The following SDK1 variants were observed in gnomAD, a reference collection of about 807,000 sequenced individuals.
SDK1 encodes the protein protein sidekick-1.
Under a neutral mutation model 245.5 loss-of-function variants are expected in SDK1, and 157 were observed. The ratio of observed to expected loss-of-function variants is 0.64; its 90% CI spans 0.56 to 0.73. The LOEUF (loss-of-function observed/expected upper bound fraction) is 0.73, where lower values mean the gene tolerates loss of function less well. SDK1 is among the 30% of genes least tolerant of loss of function. The pLI, the probability that SDK1 is intolerant of heterozygous loss-of-function variation, is 0.00. For missense variants in SDK1, 3,583 were observed against 3,002.3 expected, an observed-to-expected ratio of 1.19 and a Z score of -4.52; for synonymous variants, 1,647 against 1,278.5, an observed-to-expected ratio of 1.29 and a Z score of -6.15.
At chr7:3,651,924 C>T (rs947730718) in intron 4 of SDK1, among the ~76,000 whole-genome samples, 8 of 152,006 alleles carry the variant, frequency 5.3e-5, no homozygotes, top group Admixed American at 2.0e-4. Context: ...GATCCCAAGT[C>T]GGGGAGACAG....
At chr7:3,490,611 A>G (rs1489182115) in intron 1 of SDK1, among the ~76,000 whole-genome samples, 2 of 152,244 alleles carry the variant, frequency 1.3e-5, no homozygotes, top group Non-Finnish European at 2.9e-5. Flanking sequence ...TATCAAGGAT[A>G]GAATTCAGTA....
In SDK1 at chr7:4,118,938, A is replaced by G. The variant is rs536684942; in HGVS notation, c.3823+4664A>G. The stretch of plus-strand genomic sequence containing the variant: ...AGACTAAGAGAGAGCATTTGAGAGG[A>G]ATGGGAAGTGATGGGTGATGGAAAC... On this transcript the variant is annotated intron_variant, in intron 25 of 44. Transcript: ENST00000404826. Among the ~76,000 whole-genome samples the G allele has an allele frequency of 7.4e-5, 11 of 148,704 alleles. 1 individual carries two copies. The highest frequency in any genetic ancestry group is 4.0e-4 in the Admixed American group (6 of 14,946).
At chr7:4,068,346 G>C (rs1427148260) in intron 20 of SDK1, among the ~76,000 whole-genome samples, 1 of 152,210 alleles carries the variant, frequency 6.6e-6, no homozygotes, top group Non-Finnish European at 1.5e-5. Flanking sequence ...CCCCGAGAGG[G>C]TGGGTGACCT....
At chr7:3,656,796 G>A (rs1319514654) in intron 4 of SDK1, among the ~76,000 whole-genome samples, 2 of 150,606 alleles carry the variant, frequency 1.3e-5, no homozygotes, top group Admixed American at 1.3e-4. Context: ...GCCGGACTGC[G>A]GACTGCAGTG....
At chr7:4,029,527 CTCATTCATTCAT>C (rs58325112) in intron 17 of SDK1, among the ~76,000 whole-genome samples, 3 of 151,968 alleles carry the variant, frequency 2.0e-5, no homozygotes, top group East Asian at 3.9e-4. Context: ...CTTTCATTCA[CTCATTCATTCAT>C]TCATTCATTC....
chr7:4,167,840 T>C (rs1272695543), intron 32 of SDK1, among the ~76,000 whole-genome samples: 1 of 152,224 alleles, frequency 6.6e-6, no homozygotes, highest in Non-Finnish European at 1.5e-5. Flanking sequence ...TCTGCCTGTC[T>C]TGGGCACAGG....
intron 22 of SDK1, among the ~76,000 whole-genome samples, chr7:4,102,458 TCTC>T (rs1241246613): frequency 6.6e-6 from 1 of 152,146 alleles, no homozygotes; most frequent in Non-Finnish European, 1.5e-5. Flanking sequence ...AGCATCTTTT[TCTC>T]CTCCTCTTAG....
intron 1 of SDK1, among the ~76,000 whole-genome samples, chr7:3,568,412 T>C (rs1728937056): frequency 6.6e-6 from 1 of 152,166 alleles, no homozygotes; most frequent in Non-Finnish European, 1.5e-5. Flanking sequence ...TATATTGTGG[T>C]ATATGTATAT....
At chr7:4,207,037 G>T (rs1333588194) in intron 36 of SDK1, among the ~76,000 whole-genome samples, 3 of 152,210 alleles carry the variant, frequency 2.0e-5, no homozygotes, top group African/African-American at 7.2e-5. Context: ...ACTGATCTTG[G>T]ATATTGATCT....
chr7:4,261,786 C>CTGA (rs1788027407), intron 44 of SDK1, among the ~76,000 whole-genome samples: 1 of 152,022 alleles, frequency 6.6e-6, no homozygotes, highest in Non-Finnish European at 1.5e-5. Flanking sequence ...GTCTGCCTGA[C>CTGA]CCCTGTGAGA....
rs536341748 is a variant in SDK1, at chr7:4,266,612, T to C, written c.*1228T>C. Reference sequence around the variant, plus strand: ...AAATTGTCATTGTTTGGTTTAAATTTTTCAGCTAGATGAAAAGAGTATGAA... The same window carrying C: ...AAATTGTCATTGTTTGGTTTAAATTCTTCAGCTAGATGAAAAGAGTATGAA... On this transcript the variant is annotated 3_prime_UTR_variant, in exon 45 of 45. Coordinates refer to ENST00000404826, the MANE Select transcript of SDK1 (RefSeq NM_152744.4). The C allele has an allele frequency of 1.1e-4, 108 of 985,416 alleles. No individual in the cohort carries two copies. In the South Asian group the frequency reaches 3.3e-3, roughly 30 times the overall value. 61.0% of individuals were successfully genotyped at this position (985,416 alleles called of 1,614,324 possible).
At chr7:4,127,284 A>G (rs367868524) in intron 25 of SDK1, 97 bp from the exon 26 acceptor site, 28 of 893,358 alleles carry the variant, frequency 3.1e-5, no homozygotes, top group South Asian at 1.7e-4. Flanking sequence ...ATACGTTGCT[A>G]TTTCAAGGAC....
At chr7:4,217,595 C>A (rs1784906363) in intron 38 of SDK1, among the ~76,000 whole-genome samples, 1 of 151,294 alleles carries the variant, frequency 6.6e-6, no homozygotes, top group Non-Finnish European at 1.5e-5. Context: ...ACCCGGAGCA[C>A]CAGGCCACCC....
intron 1 of SDK1, among the ~76,000 whole-genome samples, chr7:3,373,798 T>C (rs1781287463): frequency 6.6e-6 from 1 of 152,172 alleles, no homozygotes; most frequent in African/African-American, 2.4e-5. Flanking sequence ...TGTTCACAAA[T>C]TCAGTGTACA....
At chr7:3,810,831 G>C (rs1246222029) in intron 4 of SDK1, among the ~76,000 whole-genome samples, 3 of 152,190 alleles carry the variant, frequency 2.0e-5, no homozygotes, top group African/African-American at 7.2e-5. Flanking sequence ...TGGCATCTGG[G>C]TGGAAGTATC....
intron 1 of SDK1, among the ~76,000 whole-genome samples, chr7:3,578,845 T>C (rs1446689223): frequency 4.6e-5 from 7 of 151,932 alleles, no homozygotes; most frequent in African/African-American, 1.7e-4. Context: ...TGATTTCATA[T>C]TGTTCAAACA....
intron 1 of SDK1, among the ~76,000 whole-genome samples, chr7:3,584,490 C>T (rs1416604642): frequency 6.6e-6 from 1 of 152,172 alleles, no homozygotes; most frequent in Admixed American, 6.5e-5. Flanking sequence ...TGCCTGGCCC[C>T]ACCTGAAGTC....
At chr7:3,578,602 A>G (rs981087099) in intron 1 of SDK1, among the ~76,000 whole-genome samples, 7 of 151,930 alleles carry the variant, frequency 4.6e-5, no homozygotes, top group African/African-American at 1.4e-4. Context: ...ACACTCCCAC[A>G]GCAGCCGTTT....
chr7:3,836,332 TATACAC>T (rs1780027473), intron 5 of SDK1, among the ~76,000 whole-genome samples: 1 of 152,242 alleles, frequency 6.6e-6, no homozygotes, highest in African/African-American at 2.4e-5. Context: ...ATATATAACT[TATACAC>T]ATATACATAA....
Sources: gnomAD v4.1 joint callset for allele counts (sites outside exome capture counted in the v4.1 genomes callset) on GRCh38, gnomAD v4.1.1 for gene constraint, MANE v1.5 for transcripts, NCBI Gene and HGNC (gene_info 2026-07-23, HGNC 2026-07-21) for gene names.